PLEKHA5: variants seen among roughly 807,000 people sequenced by gnomAD.
PLEKHA5 encodes pleckstrin homology domain-containing family A member 5.
PLEKHA5 carries 55 observed loss-of-function variants against 181.9 expected under a neutral mutation model. The observed-to-expected ratio is 0.30, with a 90% CI of 0.24 to 0.38. PLEKHA5 has a LOEUF of 0.38. Ranked by LOEUF, PLEKHA5 falls within the 10% of genes least tolerant of loss-of-function variation. PLEKHA5 has a pLI of 1.00. For missense variants in PLEKHA5, 1,432 were observed against 1,549.5 expected, an observed-to-expected ratio of 0.92 and a Z score of 1.27; for synonymous variants, 535 against 529.4, an observed-to-expected ratio of 1.01 and a Z score of -0.15.
At chr12:19,156,679 C>T (rs2041797908) in intron 3 of PLEKHA5, among the ~76,000 whole-genome samples, 1 of 151,762 alleles carries the variant, frequency 6.6e-6, no homozygotes, top group Non-Finnish European at 1.5e-5. Context: ...AAGAATTTCC[C>T]TCTTTTACAG....
At position 19,348,010 on chromosome 12, in the gene PLEKHA5, A is replaced by G. The variant is rs371680665; in HGVS notation, c.2899-389A>G. Among the ~76,000 whole-genome samples the G allele has an allele frequency of 6.6e-5, 10 of 151,446 alleles. No homozygotes were observed. The East Asian group carries it at 1.2e-3, about 18-fold the overall frequency. On this transcript the variant is annotated intron_variant, in intron 24 of 31. Transcript: ENST00000429027. ...TGATTCTCCTGCCTCAGCCTTCTGA[A>G]TGGCTGGGATTATAGGCGCACACCA...
chr12:19,203,266 A>C (rs1001949383), intron 3 of PLEKHA5, among the ~76,000 whole-genome samples: 2 of 151,952 alleles, frequency 1.3e-5, no homozygotes, highest in African/African-American at 2.4e-5. Flanking sequence ...ACCTGTCCTC[A>C]TTTACCTGTT....
At chr12:19,183,699 A>T (rs10743305) in intron 3 of PLEKHA5, among the ~76,000 whole-genome samples, 1 of 152,170 alleles carries the variant, frequency 6.6e-6, no homozygotes, top group East Asian at 1.9e-4. Flanking sequence ...TACAAGGGAA[A>T]ATTTTTTTAT....
Position 19,311,884 on chromosome 12 carries a change from C to G in PLEKHA5, c.2038-2930C>G, listed in dbSNP as rs537706353. Among the ~76,000 whole-genome samples, 5 of 152,284 alleles carry G rather than the reference C, an allele frequency of 3.3e-5. No homozygotes were observed. The South Asian group carries it at 1.0e-3, about 32-fold the overall frequency. The stretch of plus-strand genomic sequence containing the variant: ...TTCCAGAAGTTTCTTCTTTAATTCA[C>G]CCATATCCATCAGAAGAATCACTAT... On this transcript the variant is annotated intron_variant, in intron 15 of 31. Coordinates refer to ENST00000429027, the MANE Select transcript of PLEKHA5 (RefSeq NM_001256470.2).
At chr12:19,307,300 T>G in intron 15 of PLEKHA5, 3 of 361,424 alleles carry the variant, frequency 8.3e-6, no homozygotes, top group South Asian at 2.9e-5. Flanking sequence ...TGGTGAAACC[T>G]TGTCTCTACT....
intron 3 of PLEKHA5, among the ~76,000 whole-genome samples, chr12:19,234,095 T>G (rs2061032511): frequency 6.6e-6 from 1 of 152,226 alleles, no homozygotes; most frequent in Non-Finnish European, 1.5e-5. Flanking sequence ...ATGAATAGTT[T>G]CTCTTTAACA....
At chr12:19,246,606 A>G (rs1200757693) in intron 3 of PLEKHA5, among the ~76,000 whole-genome samples, 3 of 146,206 alleles carry the variant, frequency 2.1e-5, no homozygotes, top group Non-Finnish European at 3.0e-5. Context: ...TGGGCAACAG[A>G]GCAAGACCAA....
chr12:19,355,984 G>A (rs916320053), intron 26 of PLEKHA5, among the ~76,000 whole-genome samples: 2 of 151,926 alleles, frequency 1.3e-5, no homozygotes, highest in Admixed American at 6.6e-5. Context: ...GGCCAACATG[G>A]TGAAACGCTG....
At position 19,322,613 on chromosome 12, in the gene PLEKHA5, T is replaced by C. The variant is rs2091148830; in HGVS notation, c.2394T>C (p.Asp798=). 6.2e-7 allele frequency: 1 copy of C among 1,613,762 alleles called. No individual in the cohort carries two copies. Among genetic ancestry groups the C allele is most frequent in the African/African-American group, 1.3e-5 (1 of 74,922 alleles). Residue 798 remains aspartate, a synonymous_variant, in exon 20 of 32, where the codon GAT becomes GAC. Coordinates refer to ENST00000429027, the MANE Select transcript of PLEKHA5 (RefSeq NM_001256470.2). ...TTCAGACAGTGGTGTTACAAAGGGATGATTTACAAAATGGACTGCTTAGTA... is the reference window on the plus strand; with the variant it reads ...TTCAGACAGTGGTGTTACAAAGGGACGATTTACAAAATGGACTGCTTAGTA... The part of the protein sequence containing the change: ...AAIQTVVLQR[D]DLQNGLLSTC...
chr12:19,357,550 C>A (rs536794185), intron 26 of PLEKHA5, among the ~76,000 whole-genome samples: 1 of 151,906 alleles, frequency 6.6e-6, no homozygotes, highest in South Asian at 2.1e-4. Flanking sequence ...CCAGCCTGCC[C>A]TGCCCTTTTA....
intron 15 of PLEKHA5, among the ~76,000 whole-genome samples, chr12:19,307,862 A>G (rs972605575): frequency 1.3e-5 from 2 of 152,088 alleles, no homozygotes; most frequent in Non-Finnish European, 1.5e-5. Flanking sequence ...GTGGAACAAG[A>G]TCTCCTAAAA....
chr12:19,338,124 G>C (rs1218566803), intron 21 of PLEKHA5, among the ~76,000 whole-genome samples: 1 of 151,976 alleles, frequency 6.6e-6, no homozygotes, highest in African/African-American at 2.4e-5. Context: ...ACATGTAGTT[G>C]TTGGGCATAT....
chr12:19,317,731 C>G lies in PLEKHA5; in HGVS notation c.2119-2290C>G, dbSNP rs146348372. Among the ~76,000 whole-genome samples the G allele has an allele frequency of 1.8e-3, 268 of 151,458 alleles. 1 individual carries two copies. Among genetic ancestry groups the G allele is most frequent in the Non-Finnish European group, 3.2e-3 (220 of 67,860 alleles). ...TTATAAAAAAAAAAAGTATCAGATA[C>G]TTTAAATGGTTCCGACATCCTAAAT... is the stretch of plus-strand genomic sequence containing the variant. On this transcript the variant is annotated intron_variant, in intron 16 of 31. Transcript: ENST00000429027.
At chr12:19,155,739 A>T (rs1394840252) in intron 3 of PLEKHA5, among the ~76,000 whole-genome samples, 1 of 152,240 alleles carries the variant, frequency 6.6e-6, no homozygotes, top group Non-Finnish European at 1.5e-5. Context: ...TGTTTTTCTC[A>T]TAATCCTCAT....
At chr12:19,329,099 A>AT (rs1487403478) in intron 20 of PLEKHA5, among the ~76,000 whole-genome samples, 1 of 152,074 alleles carries the variant, frequency 6.6e-6, no homozygotes. Context: ...AGATGATCAT[A>AT]TGTTTTTTGT....
At chr12:19,132,556 A>C (rs2034242248) in intron 3 of PLEKHA5, 106 bp downstream of exon 3, 6 of 678,680 alleles carry the variant, frequency 8.8e-6, no homozygotes, top group Non-Finnish European at 2.6e-6. Context: ...TCTGAAGTTT[A>C]TCATATAATG....
Position 19,283,290 on chromosome 12 carries a change from T to C in PLEKHA5, c.1324T>C (p.Tyr442His). 1.3e-6 allele frequency: 2 copies of C among 1,596,706 alleles called. No individual in the cohort carries two copies. The highest frequency in any genetic ancestry group is 1.7e-6 in the Non-Finnish European group (2 of 1,170,610). ...ATTTTTTTATTTTAGAGTAATTTCT[T>C]ACCAAACATTACCAAGAAATATGCC... is the stretch of plus-strand genomic sequence containing the variant. ...HEEETRGVISYQTLPRNMPSH... is the reference protein window; with the variant it reads ...HEEETRGVISHQTLPRNMPSH... The change falls in exon 12 of 32, where the codon TAC becomes CAC. Residue 442 changes from tyrosine to histidine, a missense_variant. Tyr to His is a moderately conservative substitution (Grantham distance 83, BLOSUM62 2). Transcript: ENST00000429027.
intron 18 of PLEKHA5, 116 bp from the exon 19 acceptor site, chr12:19,322,194 C>A: frequency 1.5e-6 from 1 of 658,074 alleles, no homozygotes. Context: ...TCTTTGTAAG[C>A]TATATTTTAA....
intron 15 of PLEKHA5, among the ~76,000 whole-genome samples, chr12:19,310,609 C>CAA (rs5796796): frequency 0.63 from 70,704 of 111,512 alleles, 23,884 homozygotes; most frequent in Non-Finnish European, 0.77. Flanking sequence ...GACTCCCTCT[C>CAA]AAAAAAAAAA....
Sources: gnomAD v4.1 joint callset for allele counts (sites outside exome capture counted in the v4.1 genomes callset) on GRCh38, gnomAD v4.1.1 for gene constraint, MANE v1.5 for transcripts, NCBI Gene and HGNC (gene_info 2026-07-23, HGNC 2026-07-21) for gene names.